ATP8B4: variants seen among roughly 807,000 people sequenced by gnomAD.
ATP8B4 encodes the protein probable phospholipid-transporting ATPase IM.
ATP8B4 carries 133 observed loss-of-function variants against 145.6 expected under a neutral mutation model. That is an observed-to-expected ratio of 0.91 (90% CI 0.79 to 1.05). ATP8B4 has a LOEUF of 1.05. Among genes scored for constraint, ATP8B4 ranks in the 50% least tolerant of loss-of-function variants. The pLI, the probability that ATP8B4 is intolerant of heterozygous loss-of-function variation, is 0.00. For synonymous variants in ATP8B4, 507 were observed against 492.9 expected (o/e 1.03, Z -0.38); for missense variants, 1,458 against 1,425.2 (o/e 1.02, Z -0.37).
At chr15:49,939,605 A>G (rs146127043) in intron 14 of ATP8B4, among the ~76,000 whole-genome samples, 78 of 152,278 alleles carry the variant, frequency 5.1e-4, no homozygotes, top group African/African-American at 1.9e-3. Context: ...TTGAATTAGT[A>G]ATTTAAAAAC....
intron 5 of ATP8B4, 71 bp downstream of exon 5, chr15:50,044,523 C>T: frequency 9.5e-7 from 1 of 1,057,640 alleles, no homozygotes; most frequent in Non-Finnish European, 1.4e-6. Context: ...TCAAATGTAT[C>T]TTCATTATCT....
chr15:50,156,242 G>A (rs936384861), intron 1 of ATP8B4, among the ~76,000 whole-genome samples: 1 of 150,502 alleles, frequency 6.6e-6, no homozygotes, highest in Non-Finnish European at 1.5e-5. Flanking sequence ...TTTGGCCCCT[G>A]TGTACCAAAC....
At chr15:50,150,666 T>C (rs886194989) in intron 1 of ATP8B4, among the ~76,000 whole-genome samples, 1 of 152,238 alleles carries the variant, frequency 6.6e-6, no homozygotes, top group Admixed American at 6.5e-5. Flanking sequence ...TTTTGTCTGT[T>C]TCGTAGGGGT....
chr15:50,175,557 C>G (rs2044749781), intron 1 of ATP8B4, among the ~76,000 whole-genome samples: 3 of 152,120 alleles, frequency 2.0e-5, no homozygotes, highest in South Asian at 4.1e-4. Context: ...AGACAATTCT[C>G]AAAGGAAGAC....
intron 2 of ATP8B4, among the ~76,000 whole-genome samples, chr15:50,085,529 C>T (rs1360474478): frequency 6.6e-6 from 1 of 151,888 alleles, no homozygotes; most frequent in African/African-American, 2.4e-5. Flanking sequence ...GAATCTAGGG[C>T]CCAAGATCAC....
At chr15:49,979,051 T>G (rs2045935389) in intron 12 of ATP8B4, among the ~76,000 whole-genome samples, 1 of 152,154 alleles carries the variant, frequency 6.6e-6, no homozygotes, top group South Asian at 2.1e-4. Context: ...TAATATTCAT[T>G]AAGCTTTTAT....
intron 12 of ATP8B4, among the ~76,000 whole-genome samples, chr15:49,973,865 G>A (rs1300055535): frequency 6.6e-6 from 1 of 152,186 alleles, no homozygotes; most frequent in African/African-American, 2.4e-5. Flanking sequence ...TGTCACCACT[G>A]TTCACTGCAT....
At chr15:50,042,226 T>A (rs1240433649) in intron 5 of ATP8B4, among the ~76,000 whole-genome samples, 1 of 151,830 alleles carries the variant, frequency 6.6e-6, no homozygotes, top group East Asian at 1.9e-4. Context: ...AGGCTAGAAA[T>A]TTCATTAAGA....
rs2044112240 is a variant in ATP8B4, at chr15:49,961,895, G to A, written c.1287+82C>T. The A allele has an allele frequency of 3.4e-6, 4 of 1,180,712 alleles. No individual in the cohort carries two copies. The Admixed American group carries it at 1.0e-4, about 30-fold the overall frequency. The allele number at this position is 1,180,712 out of a possible 1,614,324, so 73.1% of individuals were successfully genotyped here. On this transcript the variant is annotated intron_variant, in intron 14 of 27. Coordinates refer to ENST00000284509, the MANE Select transcript of ATP8B4 (RefSeq NM_024837.4). ...TCTCATCTGGTCTTGGTGGAAATCAGGACACTAAAAGTTTATCATTTTCTT... is the reference window on the plus strand; with the variant it reads ...TCTCATCTGGTCTTGGTGGAAATCAAGACACTAAAAGTTTATCATTTTCTT...
Position 50,002,130 on chromosome 15 carries a change from T to A in ATP8B4, c.506+23A>T, listed in dbSNP as rs546186871. Reference sequence around the variant, plus strand: ...TTAAATAAATTAAAAACCAACCAAATTATTCTAATTTTAATAACTTACCCA... The same window carrying A: ...TTAAATAAATTAAAAACCAACCAAAATATTCTAATTTTAATAACTTACCCA... On this transcript the variant is annotated intron_variant, in intron 8 of 27. Transcript: ENST00000284509. 1.2e-4 allele frequency: 186 copies of A among 1,569,958 alleles called. 4 individuals are homozygous for A. The South Asian group carries it at 1.9e-3, about 16-fold the overall frequency.
chr15:49,860,183 T>TTCATATTGACTCACAGTTTC lies in ATP8B4; in HGVS notation c.3570_*10dup. On this transcript the variant is annotated 3_prime_UTR_variant, in exon 28 of 28. Transcript: ENST00000284509. ...TGAAAAGATAACTACGTGGTTTAAA[T>TTCATATTGACTCACAGTTTC]TCATATTGACTCACAGTTTCACTGT... The TTCATATTGACTCACAGTTTC allele has an allele frequency of 6.3e-7, 1 of 1,598,404 alleles. No individual in the cohort carries two copies.
At chr15:49,878,449 T>C (rs943289969) in intron 24 of ATP8B4, among the ~76,000 whole-genome samples, 1 of 152,214 alleles carries the variant, frequency 6.6e-6, no homozygotes, top group Non-Finnish European at 1.5e-5. Context: ...AATAGACGGC[T>C]TTGGCCCAGA....
intron 2 of ATP8B4, among the ~76,000 whole-genome samples, chr15:50,091,038 A>G (rs1329777756): frequency 6.6e-6 from 1 of 152,224 alleles, no homozygotes; most frequent in Non-Finnish European, 1.5e-5. Context: ...TTTAAAAAAA[A>G]GAAAATAGCA....
At chr15:49,879,494 C>G (rs1757649608) in intron 23 of ATP8B4, 35 bp from the exon 24 acceptor site, 2 of 1,531,026 alleles carry the variant, frequency 1.3e-6, no homozygotes, top group Non-Finnish European at 1.8e-6. Flanking sequence ...TGAGAAACAT[C>G]ATCCATAGTA....
chr15:49,868,616 C>A (rs560985691), intron 25 of ATP8B4, among the ~76,000 whole-genome samples: 3 of 152,174 alleles, frequency 2.0e-5, no homozygotes, highest in African/African-American at 7.2e-5. Context: ...ACAGGAGGAG[C>A]ATTTAATAAC....
At chr15:50,155,184 A>T (rs552245750) in intron 1 of ATP8B4, among the ~76,000 whole-genome samples, 1 of 152,298 alleles carries the variant, frequency 6.6e-6, no homozygotes, top group African/African-American at 2.4e-5. Context: ...CATTTTGTCA[A>T]TAACTCAGAA....
At chr15:50,180,509 G>A (rs1469176901) in intron 1 of ATP8B4, among the ~76,000 whole-genome samples, 2 of 152,162 alleles carry the variant, frequency 1.3e-5, no homozygotes, top group African/African-American at 4.8e-5. Context: ...GGGAAAAAGT[G>A]GACCCTTGTG....
intron 14 of ATP8B4, among the ~76,000 whole-genome samples, chr15:49,950,747 G>C (rs1200874333): frequency 6.6e-6 from 1 of 151,862 alleles, no homozygotes; most frequent in African/African-American, 2.4e-5. Context: ...GCTAGCTTTT[G>C]GATTAGTTTG....
At chr15:50,171,632 T>A (rs993206386) in intron 1 of ATP8B4, among the ~76,000 whole-genome samples, 2 of 151,734 alleles carry the variant, frequency 1.3e-5, no homozygotes, top group Non-Finnish European at 2.9e-5. Flanking sequence ...CAATCTAAGA[T>A]CACACCTCAA....
Sources: allele counts gnomAD v4.1 joint callset (sites outside exome capture counted in the v4.1 genomes callset), GRCh38; gene constraint gnomAD v4.1.1; transcripts MANE v1.5; gene names NCBI Gene and HGNC (gene_info 2026-07-23, HGNC 2026-07-21).